Variants in PCDHGA5 observed in about 807,000 individuals in gnomAD.
PCDHGA5 encodes protocadherin gamma subfamily A, 5.
A neutral mutation model predicts 56.7 loss-of-function variants in PCDHGA5; 36 were observed. That is an observed-to-expected ratio of 0.64 (90% CI 0.49 to 0.84). The LOEUF is 0.84. PCDHGA5 is among the 40% of genes least tolerant of loss of function. PCDHGA5 has a pLI of 0.00. For missense variants in PCDHGA5, 1,305 were observed against 1,201.5 expected (o/e 1.09, Z -1.27); for synonymous variants, 563 against 520.2 (o/e 1.08, Z -1.12).
chr5:141,409,541 G>A (rs1485327824), intron 1 of PCDHGA5: 5 of 1,613,852 alleles, frequency 3.1e-6, no homozygotes, highest in South Asian at 1.1e-5. Flanking sequence ...TGACATCAAC[G>A]ACAACGCCCC....
chr5:141,401,623 T>A (rs1418194568), intron 1 of PCDHGA5, among the ~76,000 whole-genome samples: 1 of 152,230 alleles, frequency 6.6e-6, no homozygotes, highest in African/African-American at 2.4e-5. Flanking sequence ...GGATTTGTCT[T>A]ATCGTTTGGA....
intron 1 of PCDHGA5, among the ~76,000 whole-genome samples, chr5:141,435,219 C>A (rs1226171884): frequency 6.6e-6 from 1 of 152,118 alleles, no homozygotes; most frequent in Non-Finnish European, 1.5e-5. Flanking sequence ...AATTTACTTT[C>A]TTTCAAAGTT....
chr5:141,374,906 G>A (rs1200666906), intron 1 of PCDHGA5: 5 of 1,613,650 alleles, frequency 3.1e-6, no homozygotes, highest in South Asian at 2.2e-5. Context: ...AGGAGTCCAC[G>A]GGGAAGTAAC....
At position 141,511,005 on chromosome 5, in the gene PCDHGA5, C is replaced by T; in HGVS notation, c.2628C>T (p.Ala876=). ...GGGAGTMGLS[A]RYGPQFTLQH... The stretch of plus-strand genomic sequence containing the variant: ...GTGCCGGCACCATGGGATTGAGCGC[C>T]CGCTACGGACCCCAGTTCACCCTGC... Residue 876 remains alanine, a synonymous_variant, in exon 4 of 4, where the codon GCC becomes GCT. Coordinates refer to ENST00000518069, the MANE Select transcript of PCDHGA5 (RefSeq NM_018918.3). The T allele has an allele frequency of 6.2e-7, 1 of 1,614,176 alleles. No individual in the cohort carries two copies.
In PCDHGA5 at chr5:141,433,358, C is replaced by CCTATCTATCTATCTAT. The variant is rs3074541; in HGVS notation, c.2422-61416_2422-61401dup. ...ACAGGTGCAAGCCACCTACTGTCTG[C>CCTATCTATCTATCTAT]CTATCTATCTATCTATCTATCTATC... On this transcript the variant is annotated intron_variant, in intron 1 of 3. Coordinates refer to ENST00000518069, the MANE Select transcript of PCDHGA5 (RefSeq NM_018918.3). 1.1e-3 allele frequency: 566 copies of CCTATCTATCTATCTAT among 504,038 alleles called. 2 individuals carry two copies. The highest frequency in any genetic ancestry group is 1.7e-3 in the East Asian group (49 of 28,778). The allele number at this position is 504,038 out of a possible 1,614,324, so 31.2% of individuals were successfully genotyped here.
rs372235829 is a variant in PCDHGA5, at chr5:141,381,798, C to CTCTTTCTTTCTT, written c.2421+15060_2421+15071dup. On this transcript the variant is annotated intron_variant, in intron 1 of 3. Transcript: ENST00000518069. ...ATCAGGAACAAGGCAAGGCAATTCC[C>CTCTTTCTTTCTT]TCTTTCTTTCTTTCTTTCTTTCTTC... 5.9e-4 allele frequency among the ~76,000 whole-genome samples: 85 copies of CTCTTTCTTTCTT among 144,150 alleles called. 1 individual carries two copies. Among genetic ancestry groups the CTCTTTCTTTCTT allele is most frequent in the African/African-American group, 2.2e-3 (83 of 37,512 alleles). 94.6% of individuals were successfully genotyped at this position (144,150 alleles called of 152,430 possible).
chr5:141,493,656 T>C lies in PCDHGA5; in HGVS notation c.2422-1151T>C, dbSNP rs1481871984. Among the ~76,000 whole-genome samples, 1 of 152,184 alleles carries C rather than the reference T, an allele frequency of 6.6e-6. No homozygotes were observed. Among genetic ancestry groups the C allele is most frequent in the African/African-American group, 2.4e-5 (1 of 41,454 alleles). ...CTGAGGGCTGGCCATCCCTGTGCCC[T>C]TCTCCATGGCAGCCCCAGAATGGTG... On this transcript the variant is annotated intron_variant, in intron 1 of 3. Coordinates refer to ENST00000518069, the MANE Select transcript of PCDHGA5 (RefSeq NM_018918.3). The surrounding 1 kb of genome is among the most constrained non-coding windows in gnomAD (Gnocchi z 4.3).
chr5:141,499,888 A>G (rs574246186), intron 2 of PCDHGA5, among the ~76,000 whole-genome samples: 105 of 152,174 alleles, frequency 6.9e-4, no homozygotes, highest in African/African-American at 2.4e-3. Flanking sequence ...GGGTTTCGCC[A>G]TGTTGGCCAG....
At position 141,486,927 on chromosome 5, in the gene PCDHGA5, G is replaced by T. The variant is rs2099637231; in HGVS notation, c.2422-7880G>T. On this transcript the variant is annotated intron_variant, in intron 1 of 3. Transcript: ENST00000518069. The surrounding 1 kb of genome is among the most constrained non-coding windows in gnomAD (Gnocchi z 5.0). ...CCCCAAGCACTGCCTCCATCAGTTG[G>T]TGCTGGCCACCTAATCACAAAGGTG... 1 of 1,614,108 alleles carries T rather than the reference G, an allele frequency of 6.2e-7. No homozygotes were observed. Among genetic ancestry groups the T allele is most frequent in the Non-Finnish European group, 8.5e-7 (1 of 1,180,054 alleles).
At chr5:141,388,492 A>G (rs2091380241) in intron 1 of PCDHGA5, 7 of 1,613,742 alleles carry the variant, frequency 4.3e-6, no homozygotes, top group South Asian at 1.1e-5. Flanking sequence ...TTGGACAGAG[A>G]AAAGCAGAAA....
At chr5:141,404,169 C>G in intron 1 of PCDHGA5, 4 of 1,612,736 alleles carry the variant, frequency 2.5e-6, no homozygotes, top group Non-Finnish European at 3.4e-6. Flanking sequence ...AGATTGTTGA[C>G]GGCCCAAATT....
chr5:141,384,478 G>A (rs1350381914), intron 1 of PCDHGA5: 4 of 1,614,104 alleles, frequency 2.5e-6, no homozygotes, highest in Non-Finnish European at 3.4e-6. Context: ...GCAGTTGAGA[G>A]AACTACAACT....
At chr5:141,463,650 A>C (rs1206605758) in intron 1 of PCDHGA5, among the ~76,000 whole-genome samples, 1 of 151,746 alleles carries the variant, frequency 6.6e-6, no homozygotes, top group Non-Finnish European at 1.5e-5. Flanking sequence ...ACGGGGTTTC[A>C]CCGTGTTAGC....
intron 1 of PCDHGA5, chr5:141,387,786 C>T: frequency 1.4e-6 from 2 of 1,473,828 alleles, no homozygotes; most frequent in Non-Finnish European, 1.8e-6. Flanking sequence ...ACTGGAACTG[C>T]AACTAAAGTC....
At chr5:141,415,879 T>C (rs1002596454) in intron 1 of PCDHGA5, 1 of 1,003,176 alleles carries the variant, frequency 1.0e-6, no homozygotes, top group African/African-American at 1.7e-5. Context: ...TTGAGTACAA[T>C]ATTGACAATT....
rs2099692814 is a variant in PCDHGA5 at position 141,489,840 on chromosome 5, G to A, written c.2422-4967G>A. 6.2e-7 allele frequency: 1 copy of A among 1,614,190 alleles called. No individual in the cohort carries two copies. The highest frequency in any genetic ancestry group is 8.5e-7 in the Non-Finnish European group (1 of 1,179,990). On this transcript the variant is annotated intron_variant, in intron 1 of 3. Coordinates refer to ENST00000518069, the MANE Select transcript of PCDHGA5 (RefSeq NM_018918.3). The surrounding 1 kb of genome is among the most constrained non-coding windows in gnomAD (Gnocchi z 4.5). ...CAGAGCTGGTGCTAGAGCAGCAGCT[G>A]GATCGTGAAGCCCAGGCAAGACATC... is the stretch of plus-strand genomic sequence containing the variant.
intron 1 of PCDHGA5, among the ~76,000 whole-genome samples, chr5:141,402,737 G>T (rs948478466): frequency 3.9e-5 from 6 of 152,276 alleles, no homozygotes; most frequent in East Asian, 1.9e-4. Context: ...CGCCGCTGTT[G>T]ATCAACTCTA....
At chr5:141,412,084 G>C (rs1199665555) in intron 1 of PCDHGA5, 1 of 152,170 alleles carries the variant, frequency 6.6e-6, no homozygotes, top group East Asian at 1.9e-4. Flanking sequence ...ATTGCTACTG[G>C]GTTGATGGGC....
At position 141,486,218 on chromosome 5, in the gene PCDHGA5, T is replaced by A. The variant is rs1467104398; in HGVS notation, c.2422-8589T>A. The A allele has an allele frequency of 2.5e-6, 4 of 1,614,004 alleles. No homozygotes were observed. The African/African-American group carries it at 5.3e-5, about 22-fold the overall frequency. On this transcript the variant is annotated intron_variant, in intron 1 of 3. Transcript: ENST00000518069. The surrounding 1 kb of genome is among the most constrained non-coding windows in gnomAD (Gnocchi z 5.0). ...GCTGGACGTAAATGACAATGCCCCT[T>A]ACATCACAGTGACCTCAGAGCTTGG...
Sources: allele counts gnomAD v4.1 joint callset (sites outside exome capture counted in the v4.1 genomes callset), GRCh38; gene constraint gnomAD v4.1.1; non-coding constraint Gnocchi (gnomAD v3.1); transcripts MANE v1.5; gene names NCBI Gene and HGNC (gene_info 2026-07-23, HGNC 2026-07-21).